Variants in PRKCG observed in about 807,000 individuals in gnomAD.
PRKCG encodes protein kinase C gamma type.
Under a neutral mutation model 82.0 loss-of-function variants are expected in PRKCG, and 28 were observed. That is an observed-to-expected ratio of 0.34 (90% CI 0.25 to 0.47). PRKCG has a LOEUF of 0.47. PRKCG is among the 20% of genes least tolerant of loss of function. The pLI is 1.00. For synonymous variants in PRKCG, 383 were observed against 376.6 expected (o/e 1.02, Z -0.20); for missense variants, 640 against 952.7 (o/e 0.67, Z 4.32).
At chr19:53,904,515 G>A in intron 15 of PRKCG, 120 bp from the exon 16 acceptor site, 3 of 780,622 alleles carry the variant, frequency 3.8e-6, no homozygotes, top group Non-Finnish European at 6.6e-6. Context: ...GTGTGGTCAG[G>A]TGTGCATGTG....
Position 53,906,892 on chromosome 19 carries a change from G to A in PRKCG, c.2091G>A (p.Met697Ile). ...CCAGCCCAGTGCCTGTGCCCGTCAT[G>A]TAATCTCACCCGCCGCCACTAGGTG... ...SPTSPVPVPV[M>I] The change falls in exon 18 of 18, where the codon ATG becomes ATA. Residue 697 changes from methionine (M) to isoleucine (I), a missense_variant. Physicochemically the swap from Met to Ile is conservative, Grantham distance 10 (BLOSUM62 1). This residue lies in a region of PRKCG where 198 missense variants were observed against 273.4 expected (regional missense o/e 0.72). Transcript: ENST00000263431. 2 of 1,613,248 alleles carry A rather than the reference G, an allele frequency of 1.2e-6. No individual in the cohort carries two copies. Among genetic ancestry groups the A allele is most frequent in the Non-Finnish European group, 1.7e-6 (2 of 1,179,860 alleles).
chr19:53,898,177 A>G (rs551913420), intron 10 of PRKCG, 66 bp downstream of exon 10: 48 of 1,584,610 alleles, frequency 3.0e-5, no homozygotes, highest in Admixed American at 9.0e-5. Flanking sequence ...TCTGGTTCTT[A>G]GGGAGGAAGT....
chr19:53,898,974 G>T (rs552860832), intron 11 of PRKCG, among the ~76,000 whole-genome samples: 4 of 139,870 alleles, frequency 2.9e-5, no homozygotes, highest in South Asian at 4.9e-4. Flanking sequence ...TGAAATCTTT[G>T]GGGGGGTGGT....
chr19:53,898,023 A>G lies in PRKCG; in HGVS notation c.1004A>G (p.Lys335Arg), dbSNP rs777632488. 6.2e-6 allele frequency: 10 copies of G among 1,613,854 alleles called. No individual in the cohort carries two copies. In the African/African-American group the frequency reaches 9.4e-5, roughly 15 times the overall value. ...CCTTCCCCTAGTCCCACCGACCCCAAGCGCTGCTTCTTCGGGGCGAGTCCA... is the reference window on the plus strand; with the variant it reads ...CCTTCCCCTAGTCCCACCGACCCCAGGCGCTGCTTCTTCGGGGCGAGTCCA... ...PSPSPSPTDP[K>R]RCFFGASPGR... is the part of the protein sequence containing the mutation. The change falls in exon 10 of 18, where the codon AAG (lysine) becomes AGG (arginine). Residue 335 changes from lysine (K) to arginine (R), a missense_variant. Physicochemically the swap from Lys to Arg is conservative, Grantham distance 26. Around this residue, in one of 7 missense-constraint regions of PRKCG, gnomAD observed 261 missense variants for 312.1 expected, o/e 0.84. Coordinates refer to ENST00000263431, the MANE Select transcript of PRKCG (RefSeq NM_002739.5).
At chr19:53,901,097 C>T (rs1353030843) in intron 14 of PRKCG, among the ~76,000 whole-genome samples, 1 of 152,198 alleles carries the variant, frequency 6.6e-6, no homozygotes, top group African/African-American at 2.4e-5. Flanking sequence ...TGGCCTGTCC[C>T]CTGCCAACAC....
intron 10 of PRKCG, 46 bp from the exon 11 acceptor site, chr19:53,898,394 A>T (rs1199955768): frequency 6.2e-7 from 1 of 1,610,812 alleles, no homozygotes; most frequent in African/African-American, 1.3e-5. Flanking sequence ...GTCCTGTACC[A>T]CTGGGTTCCC....
In PRKCG at chr19:53,883,342, T is replaced by G. The variant is rs2068607160; in HGVS notation, c.202+148T>G. ...GGGGGTGTGGCAGAGACACAGCCTG[T>G]GGTGGGGAGGGAGCTTTGATGGTGG... On this transcript the variant is annotated intron_variant, in intron 2 of 17. Coordinates refer to ENST00000263431, the MANE Select transcript of PRKCG (RefSeq NM_002739.5). The surrounding 1 kb of genome is among the most constrained non-coding windows in gnomAD (Gnocchi z 5.4). The G allele has an allele frequency of 3.0e-6, 3 of 988,666 alleles. No homozygotes were observed. Among genetic ancestry groups the G allele is most frequent in the African/African-American group, 1.6e-5 (1 of 61,566 alleles). 61.2% of individuals were successfully genotyped at this position (988,666 alleles called of 1,614,324 possible).
rs762529486 is a variant in PRKCG, at chr19:53,892,752, GCACACACACACACACA to G, written c.821+123_821+138del. The G allele has an allele frequency of 1.7e-5, 19 of 1,097,156 alleles. No individual in the cohort carries two copies. In the South Asian group the frequency reaches 2.7e-4, roughly 15 times the overall value. 68.0% of individuals were successfully genotyped at this position (1,097,156 alleles called of 1,614,324 possible). A position where few individuals can be genotyped will look rare whatever the true frequency, so the allele number is the denominator to read the frequency against. ...TCCTTCCCTCTGCCTCCCAGCATGC[GCACACACACACACACA>G]CACACACACACACGCACACACACGC... is the stretch of plus-strand genomic sequence containing the variant. On this transcript the variant is annotated intron_variant, in intron 7 of 17. Coordinates refer to ENST00000263431, the MANE Select transcript of PRKCG (RefSeq NM_002739.5). This position sits in a 1 kb window ranked among gnomAD's most constrained non-coding sequence, Gnocchi z 5.9.
At chr19:53,901,437 G>A (rs1423400347) in intron 14 of PRKCG, among the ~76,000 whole-genome samples, 7 of 151,606 alleles carry the variant, frequency 4.6e-5, no homozygotes, top group African/African-American at 1.2e-4. Flanking sequence ...CCAGCTATTC[G>A]GGAGGCTGAG....
At chr19:53,888,383 T>C (rs402691) in intron 3 of PRKCG, among the ~76,000 whole-genome samples, 59,076 of 151,784 alleles carry the variant, frequency 0.39, 13,342 homozygotes, top group African/African-American at 0.63. Context: ...CCGGGGGTAG[T>C]GGGTGGCAGG....
At chr19:53,893,944 A>G (rs1358707425) in intron 9 of PRKCG, among the ~76,000 whole-genome samples, 1 of 150,132 alleles carries the variant, frequency 6.7e-6, no homozygotes, top group Non-Finnish European at 1.5e-5. Context: ...TTTAGTAGAG[A>G]TGGGATTTCG....
chr19:53,884,219 C>T lies in PRKCG; in HGVS notation c.261C>T (p.Gly87=), dbSNP rs779160754. 15 of 1,613,950 alleles carry T rather than the reference C, an allele frequency of 9.3e-6. No homozygotes were observed. The South Asian group carries it at 1.3e-4, about 14-fold the overall frequency. ...AATTTGTGACCTTCGAGTGTCCAGG[C>T]GCTGGGAAGGGCCCCCAGACGGACG... ...CHEFVTFECP[G]AGKGPQTDDP... Residue 87 remains glycine (G), a synonymous_variant, in exon 3 of 18, where the codon GGC becomes GGT. Transcript: ENST00000263431. This position sits in a 1 kb window ranked among gnomAD's most constrained non-coding sequence, Gnocchi z 4.6.
chr19:53,890,157 C>G, intron 5 of PRKCG, 140 bp downstream of exon 5: 1 of 966,370 alleles, frequency 1.0e-6, no homozygotes, highest in South Asian at 1.5e-5. Flanking sequence ...ACTCCTGACC[C>G]CACCCCAAAG....
chr19:53,893,860 T>G (rs1242943276), intron 9 of PRKCG, among the ~76,000 whole-genome samples: 2 of 151,750 alleles, frequency 1.3e-5, no homozygotes, highest in Non-Finnish European at 2.9e-5. Flanking sequence ...TTCAAGCAAT[T>G]CTCTTGCCTC....
rs377008222 is a variant in PRKCG at position 53,900,387 on chromosome 19, C to T, written c.1374-32C>T. On this transcript the variant is annotated intron_variant, in intron 12 of 17. Transcript: ENST00000263431. This position sits in a 1 kb window ranked among gnomAD's most constrained non-coding sequence, Gnocchi z 4.2. ...AAGGGGGCAGGATCCAGCCACTGAC[C>T]TTCTGACGTCCCCACCCACCCCGTC... is the stretch of plus-strand genomic sequence containing the variant. The T allele has an allele frequency of 4.1e-5, 66 of 1,613,958 alleles. 1 individual carries two copies. The Middle Eastern group carries it at 4.9e-4, about 12-fold the overall frequency.
intron 9 of PRKCG, among the ~76,000 whole-genome samples, chr19:53,896,376 GATTATTATT>G (rs113382850): frequency 0.26 from 36,839 of 141,748 alleles, 5,516 homozygotes; most frequent in South Asian, 0.36. Flanking sequence ...AAACAGCCCT[GATTATTATT>G]ATTATTATTA....
chr19:53,898,698 A>C, intron 11 of PRKCG, 70 bp downstream of exon 11: 1 of 1,325,310 alleles, frequency 7.5e-7, no homozygotes, highest in Non-Finnish European at 1.0e-6. Context: ...CTGCGTTGGG[A>C]TTCTGAGTTT....
In PRKCG at chr19:53,889,842, T is replaced by C. The variant is rs1167048308; in HGVS notation, c.398-44T>C. 1 of 1,548,862 alleles carries C rather than the reference T, an allele frequency of 6.5e-7. No homozygotes were observed. Among genetic ancestry groups the C allele is most frequent in the Non-Finnish European group, 8.7e-7 (1 of 1,146,596 alleles). The stretch of plus-strand genomic sequence containing the variant: ...ATGGGGTGGGGGGTGGAGTCTTGGC[T>C]TGGGGGCGGGGCCTGAGGTGCTACC... On this transcript the variant is annotated intron_variant, in intron 4 of 17. Transcript: ENST00000263431. This position sits in a 1 kb window ranked among gnomAD's most constrained non-coding sequence, Gnocchi z 4.4.
At position 53,884,153 on chromosome 19, in the gene PRKCG, A is replaced by G. The variant is rs2068614313; in HGVS notation, c.203-8A>G. 1 of 1,613,708 alleles carries G rather than the reference A, an allele frequency of 6.2e-7. No homozygotes were observed. The highest frequency in any genetic ancestry group is 8.5e-7 in the Non-Finnish European group (1 of 1,179,906). On this transcript the variant is annotated splice_polypyrimidine_tract_variant and splice_region_variant and intron_variant, in intron 2 of 17. Transcript: ENST00000263431. This position sits in a 1 kb window ranked among gnomAD's most constrained non-coding sequence, Gnocchi z 4.6. Reference sequence around the variant, plus strand: ...CTCCGTCTGTGTCTCTATGATTTTCATCTATAGTCTGCAGCTTTGTGGTTC... The same window carrying G: ...CTCCGTCTGTGTCTCTATGATTTTCGTCTATAGTCTGCAGCTTTGTGGTTC...
Sources: allele counts gnomAD v4.1 joint callset (sites outside exome capture counted in the v4.1 genomes callset), GRCh38; gene constraint gnomAD v4.1.1; regional missense constraint gnomAD v4.1.1; non-coding constraint Gnocchi (gnomAD v3.1); transcripts MANE v1.5; gene names NCBI Gene and HGNC (gene_info 2026-07-23, HGNC 2026-07-21).